The following SPON1 variants were observed in gnomAD, a reference collection of about 807,000 sequenced individuals.
SPON1 encodes the protein spondin 1.
In SPON1, 52 loss-of-function variants were observed where a neutral mutation model predicts 111.7. The observed-to-expected ratio is 0.47, with a 90% CI of 0.37 to 0.59. The LOEUF (loss-of-function observed/expected upper bound fraction) is 0.59. SPON1 is among the 20% of genes least tolerant of loss of function. SPON1 has a pLI of 0.00. For synonymous variants in SPON1, 410 were observed against 395.8 expected (o/e 1.04, Z -0.43); for missense variants, 957 against 1,068.5 (o/e 0.90, Z 1.46).
At chr11:14,257,409 A>G (rs1849121160) in intron 10 of SPON1, among the ~76,000 whole-genome samples, 1 of 152,230 alleles carries the variant, frequency 6.6e-6, no homozygotes, top group African/African-American at 2.4e-5. Flanking sequence ...AATTACCTAC[A>G]ATGAGCCTGC....
intron 1 of SPON1, among the ~76,000 whole-genome samples, chr11:13,978,508 G>A (rs1485855762): frequency 3.9e-5 from 6 of 152,062 alleles, no homozygotes; most frequent in African/African-American, 9.7e-5. Context: ...AATCTAATTC[G>A]ATACTCTTAT....
intron 5 of SPON1, among the ~76,000 whole-genome samples, chr11:14,123,896 C>T (rs561259192): frequency 3.9e-5 from 6 of 152,298 alleles, no homozygotes; most frequent in East Asian, 1.9e-4. Context: ...TAGTCCTTTG[C>T]GGTCTGTTTT....
chr11:14,237,495 C>A (rs1196775099), intron 6 of SPON1, among the ~76,000 whole-genome samples: 1 of 152,230 alleles, frequency 6.6e-6, no homozygotes. Flanking sequence ...GATACACATG[C>A]GTTGGAATCG....
At chr11:14,108,713 C>T (rs1591377663) in intron 5 of SPON1, among the ~76,000 whole-genome samples, 1 of 151,514 alleles carries the variant, frequency 6.6e-6, no homozygotes, top group African/African-American at 2.4e-5. Context: ...CAGACAAACA[C>T]ATGGAACTAA....
chr11:14,062,735 T>C (rs1202258575), intron 3 of SPON1, among the ~76,000 whole-genome samples: 1 of 152,228 alleles, frequency 6.6e-6, no homozygotes, highest in Non-Finnish European at 1.5e-5. Flanking sequence ...TTTCTTGAAA[T>C]GCATCTCACT....
intron 5 of SPON1, among the ~76,000 whole-genome samples, chr11:14,083,317 A>G (rs1317508385): frequency 2.6e-5 from 4 of 152,198 alleles, no homozygotes; most frequent in African/African-American, 9.7e-5. Context: ...CAAAAAATCT[A>G]TTTTTTGGTT....
At chr11:14,196,724 C>G (rs1564928913) in intron 6 of SPON1, among the ~76,000 whole-genome samples, 1 of 152,172 alleles carries the variant, frequency 6.6e-6, no homozygotes, top group Non-Finnish European at 1.5e-5. Context: ...TAACCTGCCT[C>G]TTCCAGAACT....
intron 6 of SPON1, among the ~76,000 whole-genome samples, chr11:14,211,738 C>T (rs1168109823): frequency 6.6e-6 from 1 of 152,066 alleles, no homozygotes; most frequent in Admixed American, 6.6e-5. Context: ...ATATATTGGG[C>T]ATAGTAATGC....
intron 6 of SPON1, among the ~76,000 whole-genome samples, chr11:14,214,650 T>C (rs1848608749): frequency 6.6e-6 from 1 of 152,176 alleles, no homozygotes; most frequent in Non-Finnish European, 1.5e-5. Context: ...CCAACTGCTA[T>C]GTCAGTCATC....
chr11:14,071,993 C>A (rs2697829), intron 3 of SPON1, among the ~76,000 whole-genome samples: 203 of 152,274 alleles, frequency 1.3e-3, no homozygotes, highest in African/African-American at 4.6e-3. Context: ...GCCACAGCAC[C>A]TGGCCCCATA....
At chr11:14,209,647 C>T (rs192736443) in intron 6 of SPON1, among the ~76,000 whole-genome samples, 40 of 152,240 alleles carry the variant, frequency 2.6e-4, no homozygotes, top group African/African-American at 9.4e-4. Context: ...ACATTTTCTT[C>T]ATCCAGTCTA....
rs540332927 is a variant in SPON1 at position 14,117,402 on chromosome 11, A to G, written c.677-18018A>G. Among the ~76,000 whole-genome samples, 4 of 152,322 alleles carry G rather than the reference A, an allele frequency of 2.6e-5. No individual in the cohort carries two copies. In the East Asian group the frequency reaches 7.7e-4, roughly 29 times the overall value. The stretch of plus-strand genomic sequence containing the variant: ...ATGTTTTCTTATGTGAATGTATATC[A>G]AATATAATCAGATACTTTTTCTGTG... On this transcript the variant is annotated intron_variant, in intron 5 of 15. Transcript: ENST00000576479.
At chr11:14,008,671 C>T (rs997274151) in intron 2 of SPON1, among the ~76,000 whole-genome samples, 6 of 152,194 alleles carry the variant, frequency 3.9e-5, no homozygotes, top group African/African-American at 1.4e-4. Context: ...ATCTCTCCAT[C>T]CCTGTCCTGA....
intron 5 of SPON1, among the ~76,000 whole-genome samples, chr11:14,098,901 T>C (rs958624474): frequency 6.6e-6 from 1 of 152,042 alleles, no homozygotes; most frequent in Non-Finnish European, 1.5e-5. Context: ...CAGATCTACA[T>C]GCAAGAGTGA....
At chr11:14,190,884 C>A (rs1554934486) in intron 6 of SPON1, among the ~76,000 whole-genome samples, 2 of 151,996 alleles carry the variant, frequency 1.3e-5, no homozygotes, top group Admixed American at 1.3e-4. Context: ...CATGATCTAC[C>A]CACCTCGGCC....
chr11:14,065,438 C>T (rs1298780445), intron 3 of SPON1, among the ~76,000 whole-genome samples: 3 of 152,182 alleles, frequency 2.0e-5, no homozygotes, highest in Non-Finnish European at 4.4e-5. Flanking sequence ...TACACCCACG[C>T]CCAGCCACGG....
chr11:14,002,403 C>T (rs1848326229), intron 2 of SPON1, among the ~76,000 whole-genome samples: 1 of 152,034 alleles, frequency 6.6e-6, no homozygotes, highest in African/African-American at 2.4e-5. Flanking sequence ...CCCCAAAGAG[C>T]ACCTTAAGAA....
chr11:14,039,691 A>G (rs964903601), intron 2 of SPON1, among the ~76,000 whole-genome samples: 121 of 152,196 alleles, frequency 8.0e-4, no homozygotes, highest in African/African-American at 2.8e-3. Flanking sequence ...TTTAGGCAAG[A>G]TCATAAAAGT....
chr11:14,057,579 C>CA (rs1238654549), intron 3 of SPON1, among the ~76,000 whole-genome samples: 3 of 151,988 alleles, frequency 2.0e-5, no homozygotes, highest in African/African-American at 2.4e-5. Context: ...AAGAATTACA[C>CA]AAAAAAAGTA....
Sources: allele counts gnomAD v4.1 joint callset (sites outside exome capture counted in the v4.1 genomes callset), GRCh38; gene constraint gnomAD v4.1.1; transcripts MANE v1.5; gene names NCBI Gene and HGNC (gene_info 2026-07-23, HGNC 2026-07-21).